USP10: variants seen among roughly 807,000 people sequenced by gnomAD.
The protein encoded by USP10 is ubiquitin carboxyl-terminal hydrolase 10.
In USP10, 22 loss-of-function variants were observed where a neutral mutation model predicts 84.5. That is an observed-to-expected ratio of 0.26 (90% CI 0.19 to 0.37). The LOEUF is 0.37. Among genes scored for constraint, USP10 ranks in the 10% least tolerant of loss-of-function variants. USP10 has a pLI of 1.00. For missense variants in USP10, 1,019 were observed against 998.9 expected, an observed-to-expected ratio of 1.02 and a Z score of -0.27; for synonymous variants, 454 against 387.6, an observed-to-expected ratio of 1.17 and a Z score of -2.01.
chr16:84,731,083 G>A (rs778254560), intron 1 of USP10, among the ~76,000 whole-genome samples: 6 of 148,316 alleles, frequency 4.0e-5, no homozygotes, highest in Non-Finnish European at 5.9e-5. Context: ...GGGTTCAAGC[G>A]ATTCTCCTGC....
chr16:84,721,954 C>T (rs757617662), intron 1 of USP10, among the ~76,000 whole-genome samples: 2 of 152,234 alleles, frequency 1.3e-5, no homozygotes, highest in African/African-American at 2.4e-5. Flanking sequence ...CTTGGCCTCC[C>T]AAAGTGCTGG....
At chr16:84,705,724 T>C (rs894437071) in intron 1 of USP10, among the ~76,000 whole-genome samples, 8 of 141,288 alleles carry the variant, frequency 5.7e-5, no homozygotes, top group Non-Finnish European at 1.2e-4. Context: ...GCTTTTTTTT[T>C]TTTTTTTTTT....
chr16:84,704,496 T>C (rs762462772), intron 1 of USP10, among the ~76,000 whole-genome samples: 2 of 151,778 alleles, frequency 1.3e-5, no homozygotes, highest in Non-Finnish European at 2.9e-5. Context: ...TCCAGAGACT[T>C]GTATGTGCTT....
chr16:84,761,477 G>A (rs1242521158), intron 8 of USP10, among the ~76,000 whole-genome samples: 1 of 152,236 alleles, frequency 6.6e-6, no homozygotes, highest in Non-Finnish European at 1.5e-5. Context: ...GAGTCAGGAA[G>A]GGAAAGGACA....
chr16:84,721,692 CTTTGTTTTGT>C (rs201206784), intron 1 of USP10, among the ~76,000 whole-genome samples: 1 of 151,730 alleles, frequency 6.6e-6, no homozygotes, highest in Admixed American at 6.6e-5. Flanking sequence ...CCAAGTCTGG[CTTTGTTTTGT>C]TTTGTTTTGT....
intron 4 of USP10, among the ~76,000 whole-genome samples, chr16:84,758,350 C>A (rs1237790237): frequency 6.6e-6 from 1 of 152,082 alleles, no homozygotes; most frequent in East Asian, 1.9e-4. Context: ...GCTGATGAGA[C>A]ACACCTGGCT....
At chr16:84,713,038 A>G (rs1322866660) in intron 1 of USP10, among the ~76,000 whole-genome samples, 1 of 152,214 alleles carries the variant, frequency 6.6e-6, no homozygotes, top group Non-Finnish European at 1.5e-5. Context: ...CCCCAAATGC[A>G]AGAACCATGG....
rs1392665885 is a variant in USP10 at position 84,732,310 on chromosome 16, TG to T, written c.22-1124del. Among the ~76,000 whole-genome samples the T allele has an allele frequency of 2.0e-5, 3 of 152,344 alleles. No individual in the cohort carries two copies. In the East Asian group the frequency reaches 5.8e-4, roughly 29 times the overall value. ...CCATTAGAACAGAGGAACCACACTC[TG>T]CTTACCATTTTTATACCCAGTACTG... is the stretch of plus-strand genomic sequence containing the variant. On this transcript the variant is annotated intron_variant, in intron 1 of 13. Coordinates refer to ENST00000219473, the MANE Select transcript of USP10 (RefSeq NM_005153.3).
intron 2 of USP10, among the ~76,000 whole-genome samples, chr16:84,737,661 C>G (rs769222256): frequency 6.6e-6 from 1 of 152,214 alleles, no homozygotes; most frequent in Non-Finnish European, 1.5e-5. Flanking sequence ...GGTCGTCTCA[C>G]CAGATCCCTG....
chr16:84,748,015 G>T (rs1044139448), intron 4 of USP10, among the ~76,000 whole-genome samples: 1 of 151,488 alleles, frequency 6.6e-6, no homozygotes, highest in African/African-American at 2.4e-5. Flanking sequence ...TCAGCCAGGC[G>T]TGGTGGCGGG....
In USP10 at chr16:84,700,310, AC is replaced by A. The variant is rs531228034; in HGVS notation, c.21+204del. 1.9e-3 allele frequency among the ~76,000 whole-genome samples: 285 copies of A among 151,480 alleles called. 3 individuals carry two copies. Among genetic ancestry groups the A allele is most frequent in the African/African-American group, 6.0e-3 (246 of 41,314 alleles). ...CGCCTTCGTCCCCTGAGCCACCCGG[AC>A]CCCCTAGTCCCGGGGAGGTCGAAGG... On this transcript the variant is annotated intron_variant, in intron 1 of 13. Transcript: ENST00000219473.
intron 1 of USP10, chr16:84,704,702 A>AT (rs1905256519): frequency 9.4e-6 from 14 of 1,485,660 alleles, no homozygotes; most frequent in Middle Eastern, 1.7e-4. Flanking sequence ...CAGATCCTAG[A>AT]TTTTTTCTGA....
At position 84,738,868 on chromosome 16, in the gene USP10, T is replaced by C. The variant is rs116971229; in HGVS notation, c.91-1441T>C. On this transcript the variant is annotated intron_variant, in intron 2 of 13. Coordinates refer to ENST00000219473, the MANE Select transcript of USP10 (RefSeq NM_005153.3). ...GAGGAAGCCAATCAAGCAGCAGCTC[T>C]CATACAGTATTGGGCATGAGACTTA... Among the ~76,000 whole-genome samples the C allele has an allele frequency of 3.2e-3, 485 of 152,294 alleles. 13 individuals carry two copies. The East Asian group carries it at 0.069, about 22-fold the overall frequency.
intron 4 of USP10, among the ~76,000 whole-genome samples, chr16:84,753,602 C>T (rs1002654518): frequency 7.9e-5 from 12 of 152,288 alleles, no homozygotes; most frequent in African/African-American, 2.2e-4. Context: ...AGAGCCAGGG[C>T]GCGAACCCCC....
At chr16:84,727,232 A>G (rs1017554670) in intron 1 of USP10, among the ~76,000 whole-genome samples, 2 of 152,214 alleles carry the variant, frequency 1.3e-5, no homozygotes, top group Non-Finnish European at 2.9e-5. Context: ...AAACTAATTC[A>G]TGTCATCAGT....
chr16:84,713,687 G>A (rs1402763085), intron 1 of USP10, among the ~76,000 whole-genome samples: 1 of 152,232 alleles, frequency 6.6e-6, no homozygotes. Context: ...ACAGTCAGGT[G>A]TGGGAAAGAA....
At chr16:84,708,456 A>G (rs1905840024) in intron 1 of USP10, among the ~76,000 whole-genome samples, 1 of 152,174 alleles carries the variant, frequency 6.6e-6, no homozygotes, top group African/African-American at 2.4e-5. Context: ...ATCTCAAAAA[A>G]CAAAAAAGGA....
rs895904183 is a variant in USP10, at chr16:84,726,575, C to T, written c.22-6860C>T. On this transcript the variant is annotated intron_variant, in intron 1 of 13. Transcript: ENST00000219473. ...GAGGAAGGTGTCTTTTGTTCCCATC[C>T]CTGCTGTGGTGTGGGCTTGCCCCCC... is the stretch of plus-strand genomic sequence containing the variant. Among the ~76,000 whole-genome samples, 5 of 152,194 alleles carry T rather than the reference C, an allele frequency of 3.3e-5. No individual in the cohort carries two copies. In the South Asian group the frequency reaches 6.2e-4, roughly 19 times the overall value.
chr16:84,745,370 A>G lies in USP10; in HGVS notation c.889A>G (p.Thr297Ala), dbSNP rs745938519. The change falls in exon 4 of 14, where the codon ACA (threonine) becomes GCA (alanine). Residue 297 changes from threonine (T) to alanine (A), a missense_variant. Coordinates refer to ENST00000219473, the MANE Select transcript of USP10 (RefSeq NM_005153.3). ...GQILESSGEG[T>A]ATNGVELHTT... ...AATACTTGAATCCTCGGGTGAGGGCACAGCTACCAACGGGGTGGAGTTGCA... is the reference window on the plus strand; with the variant it reads ...AATACTTGAATCCTCGGGTGAGGGCGCAGCTACCAACGGGGTGGAGTTGCA... The G allele has an allele frequency of 1.9e-6, 3 of 1,613,326 alleles. No homozygotes were observed. Among genetic ancestry groups the G allele is most frequent in the South Asian group, 2.2e-5 (2 of 91,042 alleles).
Sources: allele counts gnomAD v4.1 joint callset (sites outside exome capture counted in the v4.1 genomes callset), GRCh38; gene constraint gnomAD v4.1.1; transcripts MANE v1.5; gene names NCBI Gene and HGNC (gene_info 2026-07-23, HGNC 2026-07-21).